FLNB: variants seen among roughly 807,000 people sequenced by gnomAD.
FLNB encodes filamin-B.
Under a neutral mutation model 250.6 loss-of-function variants are expected in FLNB, and 111 were observed. That is an observed-to-expected ratio of 0.44 (90% confidence interval 0.38 to 0.52). The LOEUF (loss-of-function observed/expected upper bound fraction) is 0.52. FLNB is among the 20% of genes least tolerant of loss of function. FLNB has a pLI of 0.00. For synonymous variants in FLNB, 1,302 were observed against 1,372.1 expected (o/e 0.95, Z 1.13); for missense variants, 2,869 against 3,447.8 (o/e 0.83, Z 4.20).
intron 4 of FLNB, among the ~76,000 whole-genome samples, chr3:58,094,483 G>C (rs1172245966): frequency 1.3e-5 from 2 of 152,102 alleles, no homozygotes; most frequent in African/African-American, 4.8e-5. Context: ...AAAATGTCAG[G>C]CAATACAATA....
intron 25 of FLNB, among the ~76,000 whole-genome samples, chr3:58,131,529 C>T (rs1306409972): frequency 2.6e-5 from 4 of 152,186 alleles, no homozygotes; most frequent in African/African-American, 9.7e-5. Context: ...ATGTTTCCTC[C>T]TCCAGCACTT....
chr3:58,090,431 C>T (rs2097224877), intron 4 of FLNB, among the ~76,000 whole-genome samples: 1 of 152,110 alleles, frequency 6.6e-6, no homozygotes, highest in Non-Finnish European at 1.5e-5. Context: ...ATACATAAAC[C>T]AGTAGCATTG....
chr3:58,033,222 G>A (rs926538434), intron 1 of FLNB, among the ~76,000 whole-genome samples: 4 of 152,264 alleles, frequency 2.6e-5, no homozygotes, highest in East Asian at 3.9e-4. Flanking sequence ...TCAAGACAGC[G>A]AACCTCCCTA....
At chr3:58,162,931 G>A (rs2097364107) in intron 42 of FLNB, 1 of 582,486 alleles carries the variant, frequency 1.7e-6, no homozygotes, top group Non-Finnish European at 3.1e-6. Context: ...GTCTTGTCCT[G>A]TGTTTATAGG....
intron 29 of FLNB, among the ~76,000 whole-genome samples, chr3:58,140,645 G>A (rs1175971168): frequency 2.0e-5 from 3 of 152,068 alleles, no homozygotes; most frequent in African/African-American, 4.8e-5. Context: ...ATCTCACTCT[G>A]TCACCCAGGC....
chr3:58,093,390 G>C (rs549224318), intron 4 of FLNB, among the ~76,000 whole-genome samples: 26 of 152,256 alleles, frequency 1.7e-4, no homozygotes, highest in African/African-American at 6.3e-4. Flanking sequence ...CATTAACTGA[G>C]ACTACAGTTC....
intron 1 of FLNB, among the ~76,000 whole-genome samples, chr3:58,040,311 C>T (rs2097144262): frequency 6.6e-6 from 1 of 151,918 alleles, no homozygotes; most frequent in African/African-American, 2.4e-5. Flanking sequence ...TGTGAGTAAA[C>T]AGTTACCTTC....
chr3:58,028,831 G>T (rs1006903902), intron 1 of FLNB, among the ~76,000 whole-genome samples: 4 of 151,588 alleles, frequency 2.6e-5, no homozygotes, highest in Non-Finnish European at 5.9e-5. Context: ...GATCAGGCTG[G>T]TCTTGAACTC....
Position 58,136,083 on chromosome 3 carries a change from C to G in FLNB, c.4776C>G (p.Val1592=), listed in dbSNP as rs755506225. The G allele has an allele frequency of 8.1e-6, 13 of 1,614,102 alleles. No homozygotes were observed. The highest frequency in any genetic ancestry group is 2.7e-5 in the African/African-American group (2 of 74,942). Residue 1592 remains valine, a synonymous_variant, in exon 28 of 46, where the codon GTC becomes GTG. Transcript: ENST00000295956. ...AGACTGGGCGCTATATGATTGGAGTCACCTACGGGGGTGACGACATCCCAC... is the reference window on the plus strand; with the variant it reads ...AGACTGGGCGCTATATGATTGGAGTGACCTACGGGGGTGACGACATCCCAC... ...PDKTGRYMIG[V]TYGGDDIPLS...
chr3:58,168,843 C>A, intron 44 of FLNB, 185 bp downstream of exon 44: 1 of 650,592 alleles, frequency 1.5e-6, no homozygotes, highest in South Asian at 1.7e-5. Flanking sequence ...CAGAGTGGAG[C>A]CGTGCAGAAG....
In FLNB at chr3:58,121,353, A is replaced by C; in HGVS notation, c.2976A>C (p.Leu992=). The C allele has an allele frequency of 6.2e-7, 1 of 1,614,094 alleles. No individual in the cohort carries two copies. The highest frequency in any genetic ancestry group is 1.1e-5 in the South Asian group (1 of 91,062). Residue 992 remains leucine (L), a synonymous_variant, in exon 20 of 46, where the codon CTA becomes CTC. Coordinates refer to ENST00000295956, the MANE Select transcript of FLNB (RefSeq NM_001457.4). ...LSPSRKVVPC[L]VTPVTGRENS... ...CCTCTCGGAAGGTCGTGCCATGCCT[A>C]GTGACACCTGTGACAGGCCGGGAGA... is the stretch of plus-strand genomic sequence containing the variant.
At chr3:58,117,862 C>A (rs2097281494) in intron 18 of FLNB, among the ~76,000 whole-genome samples, 1 of 151,020 alleles carries the variant, frequency 6.6e-6, no homozygotes, top group African/African-American at 2.4e-5. Flanking sequence ...ATACATAGGC[C>A]AAATGCTACA....
chr3:58,104,767 C>G (rs2097256888), intron 10 of FLNB, among the ~76,000 whole-genome samples: 1 of 152,214 alleles, frequency 6.6e-6, no homozygotes, highest in Admixed American at 6.5e-5. Context: ...GACTCTCTCA[C>G]TTTCCAGGGT....
At chr3:58,116,296 C>A (rs905831732) in intron 18 of FLNB, among the ~76,000 whole-genome samples, 1 of 152,198 alleles carries the variant, frequency 6.6e-6, no homozygotes, top group African/African-American at 2.4e-5. Flanking sequence ...AGGGCTGACA[C>A]CCACAGGCAC....
chr3:58,148,830 C>A lies in FLNB; in HGVS notation c.6069C>A (p.Phe2023Leu). Residue 2023 changes from phenylalanine to leucine, a missense_variant, in exon 36 of 46, where the codon TTC (phenylalanine) becomes TTA (leucine). Physicochemically the swap from Phe to Leu is conservative, Grantham distance 22. This residue lies in a region of FLNB where 1,084 missense variants were observed against 1,315.5 expected (regional missense o/e 0.82). Coordinates refer to ENST00000295956, the MANE Select transcript of FLNB (RefSeq NM_001457.4). ...GCCGGACTTTCGAGATGTCTGACTT[C>A]ATCGTGGACACAAGGGATGCAGGTC... ...SEGRTFEMSD[F>L]IVDTRDAGYG... is the part of the protein sequence containing the mutation. The A allele has an allele frequency of 6.2e-7, 1 of 1,613,328 alleles. No individual in the cohort carries two copies. The highest frequency in any genetic ancestry group is 8.5e-7 in the Non-Finnish European group (1 of 1,180,016).
chr3:58,139,976 C>T (rs1354160445), intron 29 of FLNB, among the ~76,000 whole-genome samples: 2 of 152,104 alleles, frequency 1.3e-5, no homozygotes, highest in Admixed American at 1.3e-4. Context: ...TCTTCTAGCC[C>T]CTGAATACAC....
At chr3:58,108,349 C>T in intron 12 of FLNB, 109 bp from the exon 13 acceptor site, 1 of 749,894 alleles carries the variant, frequency 1.3e-6, no homozygotes, top group South Asian at 1.5e-5. Flanking sequence ...ACTGTAAAAC[C>T]AGACACAGGT....
Position 58,142,766 on chromosome 3 carries a change from A to G in FLNB, c.5284+14A>G. ...GAGAAATCACTGGTAAGCACTTGCC[A>G]TAAAGGCCGTCTCATTCTCACTTGC... is the stretch of plus-strand genomic sequence containing the variant. On this transcript the variant is annotated intron_variant, in intron 31 of 45. Coordinates refer to ENST00000295956, the MANE Select transcript of FLNB (RefSeq NM_001457.4). The surrounding 1 kb of genome is among the most constrained non-coding windows in gnomAD (Gnocchi z 4.3). The G allele has an allele frequency of 6.2e-7, 1 of 1,606,678 alleles. No homozygotes were observed. The highest frequency in any genetic ancestry group is 1.1e-5 in the South Asian group (1 of 90,934).
chr3:58,132,615 T>G, intron 25 of FLNB, 193 bp from the exon 26 acceptor site: 2 of 678,324 alleles, frequency 2.9e-6, no homozygotes, highest in South Asian at 1.7e-5. Context: ...TCTCTCGGGG[T>G]CATTTCTGCA....
Sources: gnomAD v4.1 joint callset for allele counts (sites outside exome capture counted in the v4.1 genomes callset) on GRCh38, gnomAD v4.1.1 for gene constraint, gnomAD v4.1.1 regional missense constraint, Gnocchi (gnomAD v3.1) non-coding constraint, MANE v1.5 for transcripts, NCBI Gene and HGNC (gene_info 2026-07-23, HGNC 2026-07-21) for gene names.